The following HIP1 variants were observed in gnomAD, a reference collection of about 807,000 sequenced individuals.
HIP1 encodes huntingtin interacting protein 1, also known as huntingtin-interacting protein 1.
HIP1 carries 65 observed loss-of-function variants against 147.6 expected under a neutral mutation model. That is an observed-to-expected ratio of 0.44 (90% CI 0.36 to 0.54). HIP1 has a LOEUF of 0.54. Among genes scored for constraint, HIP1 ranks in the 20% least tolerant of loss-of-function variants. The probability of loss-of-function intolerance (pLI) is 0.00; values close to 1 mark genes in which losing one functional copy is unlikely to be tolerated. For missense variants in HIP1, 1,061 were observed against 1,299.6 expected (o/e 0.82, Z 2.82); for synonymous variants, 479 against 504.0 (o/e 0.95, Z 0.67).
intron 1 of HIP1, among the ~76,000 whole-genome samples, chr7:75,660,299 G>C (rs1464615438): frequency 2.6e-5 from 4 of 151,548 alleles, no homozygotes; most frequent in Non-Finnish European, 5.9e-5. Flanking sequence ...GGCTGAGGTG[G>C]GTGGATCACT....
intron 1 of HIP1, among the ~76,000 whole-genome samples, chr7:75,634,985 A>G (rs902524109): frequency 7.3e-5 from 11 of 149,692 alleles, no homozygotes; most frequent in African/African-American, 2.5e-5. Context: ...AATGCCTTGT[A>G]TACTGTAAAG....
intron 1 of HIP1, among the ~76,000 whole-genome samples, chr7:75,638,686 G>A (rs1798527059): frequency 6.6e-6 from 1 of 152,174 alleles, no homozygotes; most frequent in Admixed American, 6.5e-5. Context: ...CTGTAGGTGT[G>A]CGGGCAGGGG....
At chr7:75,694,505 C>CTTTCT (rs1277219562) in intron 1 of HIP1, among the ~76,000 whole-genome samples, 18 of 117,540 alleles carry the variant, frequency 1.5e-4, no homozygotes, top group African/African-American at 6.1e-4. Context: ...TTCTTTCTTT[C>CTTTCT]TTTTTTTTTT....
rs1178019027 is a variant in HIP1 at position 75,690,744 on chromosome 7, C to T, written c.120+48057G>A. 2.0e-5 allele frequency among the ~76,000 whole-genome samples: 3 copies of T among 152,154 alleles called. No individual in the cohort carries two copies. In the East Asian group the frequency reaches 5.8e-4, roughly 29 times the overall value. ...GGGCATGGTGGTGCATGCCTGTAAT[C>T]CCAGCTACTCGGAAGGCTGAGGCAG... On this transcript the variant is annotated intron_variant, in intron 1 of 30. Coordinates refer to ENST00000336926, the MANE Select transcript of HIP1 (RefSeq NM_005338.7).
chr7:75,548,765 A>G (rs1216894166), intron 23 of HIP1, 126 bp downstream of exon 23: 1 of 752,272 alleles, frequency 1.3e-6, no homozygotes, highest in Non-Finnish European at 2.3e-6. Context: ...TGCCTGGCAA[A>G]TTCTGGTTTC....
chr7:75,559,707 G>GCCCCCCC, intron 14 of HIP1, 25 bp downstream of exon 14: 2 of 1,087,362 alleles, frequency 1.8e-6, no homozygotes, highest in South Asian at 2.3e-5. Context: ...CCCGGGGCCC[G>GCCCCCCC]CCCCCGCCCC....
At chr7:75,549,372 CT>C (rs60654435) in intron 22 of HIP1, among the ~76,000 whole-genome samples, 59,060 of 120,596 alleles carry the variant, frequency 0.49, 11,528 homozygotes, top group Middle Eastern at 0.55. Flanking sequence ...CTTTTCTTTT[CT>C]TTTTTTTTTT....
At chr7:75,586,966 G>C in intron 4 of HIP1, 133 bp from the exon 5 acceptor site, 2 of 650,980 alleles carry the variant, frequency 3.1e-6, no homozygotes, top group Admixed American at 4.5e-5. Flanking sequence ...TTAGAGATGG[G>C]GTCTAGCTCT....
chr7:75,561,174 G>A (rs1320634953), intron 13 of HIP1, among the ~76,000 whole-genome samples, 155 bp downstream of exon 13: 3 of 151,904 alleles, frequency 2.0e-5, no homozygotes, highest in East Asian at 1.9e-4. Context: ...GGCTGGTCTC[G>A]AACTCCCGAC....
intron 11 of HIP1, 99 bp downstream of exon 11, chr7:75,562,836 G>C: frequency 1.6e-6 from 2 of 1,236,690 alleles, no homozygotes; most frequent in Non-Finnish European, 2.3e-6. Flanking sequence ...GCCTGAACCT[G>C]GTTAGAGTCA....
chr7:75,571,445 C>T (rs1185362354), intron 8 of HIP1, among the ~76,000 whole-genome samples: 2 of 152,156 alleles, frequency 1.3e-5, no homozygotes, highest in African/African-American at 4.8e-5. Flanking sequence ...CAGCTAATTC[C>T]AATCTCCCTT....
chr7:75,620,385 TTAAA>T (rs1797806368), intron 1 of HIP1, among the ~76,000 whole-genome samples: 7 of 133,070 alleles, frequency 5.3e-5, no homozygotes, highest in African/African-American at 1.1e-4. Flanking sequence ...GACCATGTCT[TTAAA>T]AAAAAAAAAA....
intron 1 of HIP1, among the ~76,000 whole-genome samples, chr7:75,696,019 C>G (rs1800623513): frequency 6.6e-6 from 1 of 152,108 alleles, no homozygotes; most frequent in Non-Finnish European, 1.5e-5. Context: ...CACGGTTCCG[C>G]TGTGTCACCC....
intron 1 of HIP1, among the ~76,000 whole-genome samples, chr7:75,613,750 G>T (rs782152174): frequency 4.6e-5 from 7 of 152,182 alleles, no homozygotes; most frequent in Non-Finnish European, 7.3e-5. Context: ...CCTACTGTCT[G>T]CCTCACCTTC....
chr7:75,690,978 C>T (rs782183864), intron 1 of HIP1, among the ~76,000 whole-genome samples: 1 of 152,184 alleles, frequency 6.6e-6, no homozygotes, highest in Non-Finnish European at 1.5e-5. Flanking sequence ...GGAATGTTCA[C>T]AGTAGCACTA....
At chr7:75,611,423 T>A (rs1797429923) in intron 1 of HIP1, among the ~76,000 whole-genome samples, 1 of 142,196 alleles carries the variant, frequency 7.0e-6, no homozygotes, top group Admixed American at 7.3e-5. Flanking sequence ...GCTGAGATGG[T>A]GCCACTGCAC....
chr7:75,555,880 A>G, intron 18 of HIP1, 146 bp downstream of exon 18: 1 of 969,492 alleles, frequency 1.0e-6, no homozygotes, highest in South Asian at 1.6e-5. Flanking sequence ...GCCTGCTGGC[A>G]TTACACCTAC....
rs868938856 is a variant in HIP1, at chr7:75,730,222, T to C, written c.120+8579A>G. ...AGAGAAGTGGGGTGAGGACAACGCCTTGGGGACCCCAAGCATAAGGAGGAA... is the reference window on the plus strand; with the variant it reads ...AGAGAAGTGGGGTGAGGACAACGCCCTGGGGACCCCAAGCATAAGGAGGAA... On this transcript the variant is annotated intron_variant, in intron 1 of 30. Transcript: ENST00000336926. Among the ~76,000 whole-genome samples, 40 of 152,048 alleles carry C rather than the reference T, an allele frequency of 2.6e-4. 1 individual carries two copies. Among genetic ancestry groups the C allele is most frequent in the African/African-American group, 8.7e-4 (36 of 41,466 alleles).
intron 1 of HIP1, among the ~76,000 whole-genome samples, chr7:75,668,945 C>T (rs367561545): frequency 3.3e-5 from 5 of 152,102 alleles, no homozygotes; most frequent in African/African-American, 9.6e-5. Flanking sequence ...TGGCTGGGCG[C>T]GGTGGCTCAC....
Sources: gnomAD v4.1 joint callset for allele counts (sites outside exome capture counted in the v4.1 genomes callset) on GRCh38, gnomAD v4.1.1 for gene constraint, MANE v1.5 for transcripts, NCBI Gene and HGNC (gene_info 2026-07-23, HGNC 2026-07-21) for gene names.